RICTOR: variants seen among roughly 807,000 people sequenced by gnomAD.
RICTOR encodes the protein RPTOR independent companion of MTOR complex 2.
In RICTOR, 49 loss-of-function variants were observed where a neutral mutation model predicts 214.9. The observed-to-expected ratio is 0.23, with a 90% CI of 0.18 to 0.29. The LOEUF (loss-of-function observed/expected upper bound fraction) is 0.29. RICTOR is among the 10% of genes least tolerant of loss of function. The pLI is 1.00. For missense variants in RICTOR, 1,625 were observed against 2,047.0 expected (o/e 0.79, Z 3.98); for synonymous variants, 717 against 711.3 (o/e 1.01, Z -0.13).
chr5:39,025,079 G>A (rs1755709587), intron 2 of RICTOR, among the ~76,000 whole-genome samples: 1 of 152,144 alleles, frequency 6.6e-6, no homozygotes, highest in African/African-American at 2.4e-5. Flanking sequence ...TGAGTCAAAT[G>A]TTTGCCTAAT....
chr5:39,054,429 T>C (rs1758069488), intron 2 of RICTOR, among the ~76,000 whole-genome samples: 1 of 152,184 alleles, frequency 6.6e-6, no homozygotes, highest in South Asian at 2.1e-4. Context: ...ATTTATTTAA[T>C]ATTAAAGAGA....
intron 2 of RICTOR, among the ~76,000 whole-genome samples, chr5:39,061,106 A>C (rs191936260): frequency 1.1e-4 from 16 of 152,194 alleles, no homozygotes. Flanking sequence ...TTAAACATTT[A>C]CCAATTAGAA....
At chr5:39,017,958 C>T (rs886655998) in intron 3 of RICTOR, among the ~76,000 whole-genome samples, 5 of 152,082 alleles carry the variant, frequency 3.3e-5, no homozygotes, top group Non-Finnish European at 5.9e-5. Context: ...GATACCAATA[C>T]TGATGAACTG....
rs1399589683 is a variant in RICTOR, at chr5:38,990,597, G to C, written c.583+352C>G. On this transcript the variant is annotated intron_variant, in intron 7 of 37. Transcript: ENST00000357387. ...TATATGATATATACATGATATATAC[G>C]ATATATATGATATATATACGATATA... Among the ~76,000 whole-genome samples, 40 of 115,796 alleles carry C rather than the reference G, an allele frequency of 3.5e-4. 1 individual carries two copies. Among genetic ancestry groups the C allele is most frequent in the African/African-American group, 1.3e-3 (36 of 27,854 alleles). The allele number at this position is 115,796 out of a possible 152,430, so 76.0% of individuals were successfully genotyped here.
intron 3 of RICTOR, among the ~76,000 whole-genome samples, chr5:39,014,448 C>G (rs2150126046): frequency 6.6e-6 from 1 of 152,114 alleles, no homozygotes; most frequent in African/African-American, 2.4e-5. Context: ...AAGAATTTCA[C>G]TTTTTATCAT....
Position 39,016,251 on chromosome 5 carries a change from G to C in RICTOR, c.195+4788C>G, listed in dbSNP as rs115857853. Among the ~76,000 whole-genome samples the C allele has an allele frequency of 7.0e-3, 1,061 of 150,870 alleles. 13 individuals carry two copies. Among genetic ancestry groups the C allele is most frequent in the African/African-American group, 0.023 (942 of 41,156 alleles). The stretch of plus-strand genomic sequence containing the variant: ...ACAAACAAGACAAAAAGTACAAAAA[G>C]TTTAGAGCCTTCATTACAGAGATAC... On this transcript the variant is annotated intron_variant, in intron 3 of 37. Transcript: ENST00000357387.
chr5:39,057,960 T>C (rs1758305670), intron 2 of RICTOR, among the ~76,000 whole-genome samples: 1 of 152,146 alleles, frequency 6.6e-6, no homozygotes, highest in African/African-American at 2.4e-5. Context: ...TTGTTTCACT[T>C]TCATATTTAC....
At chr5:39,039,781 C>A (rs924443187) in intron 2 of RICTOR, among the ~76,000 whole-genome samples, 2 of 152,144 alleles carry the variant, frequency 1.3e-5, no homozygotes, top group African/African-American at 4.8e-5. Flanking sequence ...CATCTCATAC[C>A]AGTTAGAATG....
chr5:39,029,845 A>T (rs1756134376), intron 2 of RICTOR, among the ~76,000 whole-genome samples: 1 of 152,198 alleles, frequency 6.6e-6, no homozygotes, highest in South Asian at 2.1e-4. Context: ...ATAAATAATG[A>T]CTATAATTAA....
intron 2 of RICTOR, among the ~76,000 whole-genome samples, chr5:39,036,124 G>GA (rs1406436422): frequency 6.6e-6 from 1 of 152,230 alleles, no homozygotes; most frequent in Non-Finnish European, 1.5e-5. Context: ...TCTCTCCGCA[G>GA]AAACTCAACA....
intron 7 of RICTOR, among the ~76,000 whole-genome samples, chr5:38,989,638 A>G (rs1188743600): frequency 1.3e-5 from 2 of 152,222 alleles, no homozygotes; most frequent in Admixed American, 1.3e-4. Flanking sequence ...ATCTACAAGG[A>G]ACTTAAACAA....
Position 39,037,816 on chromosome 5 carries a change from G to A in RICTOR, c.98-16680C>T, listed in dbSNP as rs116705545. Among the ~76,000 whole-genome samples the A allele has an allele frequency of 4.8e-3, 738 of 152,318 alleles. 6 individuals are homozygous for A. The highest frequency in any genetic ancestry group is 0.017 in the African/African-American group (686 of 41,568). ...ACCAATAACAGGCTTCTGAAATTGA[G>A]GCAGTAATTAGTAGCTTACCAACCA... is the stretch of plus-strand genomic sequence containing the variant. On this transcript the variant is annotated intron_variant, in intron 2 of 37. Transcript: ENST00000357387.
intron 13 of RICTOR, 36 bp from the exon 14 acceptor site, chr5:38,967,263 T>A (rs1750312198): frequency 6.2e-7 from 1 of 1,602,050 alleles, no homozygotes; most frequent in East Asian, 2.2e-5. Context: ...TTAAATAAAG[T>A]TTCATAGATT....
chr5:38,959,146 G>C lies in RICTOR; in HGVS notation c.2178+49C>G, dbSNP rs1314631795. On this transcript the variant is annotated intron_variant, in intron 22 of 37. Transcript: ENST00000357387. The stretch of plus-strand genomic sequence containing the variant: ...TACTTAGCCCAAAATTCATAAAGTA[G>C]TGAATTAATTGGTTATAAATATAGT... 5 of 1,355,318 alleles carry C rather than the reference G, an allele frequency of 3.7e-6. No individual in the cohort carries two copies. The African/African-American group carries it at 7.5e-5, about 20-fold the overall frequency. 84.0% of individuals were successfully genotyped at this position (1,355,318 alleles called of 1,614,324 possible).
intron 11 of RICTOR, chr5:38,969,558 CT>C (rs1750566365): frequency 6.6e-6 from 1 of 152,004 alleles, no homozygotes; most frequent in South Asian, 2.1e-4. Flanking sequence ...CAGTCATGTC[CT>C]AGGTCTTAAC....
At chr5:38,964,218 T>C (rs1403386085) in intron 16 of RICTOR, among the ~76,000 whole-genome samples, 1 of 151,866 alleles carries the variant, frequency 6.6e-6, no homozygotes, top group Non-Finnish European at 1.5e-5. Flanking sequence ...CACTTCCCAA[T>C]TGAACCCTTC....
intron 29 of RICTOR, among the ~76,000 whole-genome samples, chr5:38,952,648 A>G (rs1748894399): frequency 6.6e-6 from 1 of 151,970 alleles, no homozygotes. Context: ...ACAACAAAAT[A>G]AAAAGAACAC....
At chr5:39,035,711 G>A (rs1329731423) in intron 2 of RICTOR, among the ~76,000 whole-genome samples, 1 of 152,182 alleles carries the variant, frequency 6.6e-6, no homozygotes, top group Non-Finnish European at 1.5e-5. Context: ...CTGGAAGAAA[G>A]GGTATCAGCG....
At chr5:38,965,096 T>C (rs181258106) in intron 15 of RICTOR, among the ~76,000 whole-genome samples, 1 of 152,108 alleles carries the variant, frequency 6.6e-6, no homozygotes, top group East Asian at 1.9e-4. Context: ...AATATAAAGA[T>C]ACACACATAT....
Sources: gnomAD v4.1 joint callset for allele counts (sites outside exome capture counted in the v4.1 genomes callset) on GRCh38, gnomAD v4.1.1 for gene constraint, MANE v1.5 for transcripts, NCBI Gene and HGNC (gene_info 2026-07-23, HGNC 2026-07-21) for gene names.